EFCAB13: variants seen among roughly 807,000 people sequenced by gnomAD.
EFCAB13 encodes the protein EF-hand calcium binding domain 13.
A neutral mutation model predicts 110.2 loss-of-function variants in EFCAB13; 91 were observed. That is an observed-to-expected ratio of 0.83 (90% CI 0.70 to 0.98). EFCAB13 has a LOEUF of 0.98. Ranked by LOEUF, EFCAB13 falls within the 50% of genes least tolerant of loss-of-function variation. The pLI, the probability that EFCAB13 is intolerant of heterozygous loss-of-function variation, is 0.00. For synonymous variants in EFCAB13, 323 were observed against 369.9 expected, an observed-to-expected ratio of 0.87 and a Z score of 1.45; for missense variants, 968 against 1,119.4, an observed-to-expected ratio of 0.86 and a Z score of 1.93.
chr17:47,427,177 T>C (rs2143511773), intron 23 of EFCAB13, among the ~76,000 whole-genome samples: 1 of 152,216 alleles, frequency 6.6e-6, no homozygotes, highest in South Asian at 2.1e-4. Context: ...TTTTATTAAA[T>C]TGATAGACTG....
At chr17:47,343,177 G>A (rs892212781) in intron 6 of EFCAB13, among the ~76,000 whole-genome samples, 3 of 151,986 alleles carry the variant, frequency 2.0e-5, no homozygotes, top group African/African-American at 7.2e-5. Context: ...CTAAATCTGT[G>A]GGAATCTTCA....
chr17:47,344,224 C>T lies in EFCAB13; in HGVS notation c.366C>T (p.Cys122=), dbSNP rs1361008875. 1 of 1,613,210 alleles carries T rather than the reference C, an allele frequency of 6.2e-7. No homozygotes were observed. The highest frequency in any genetic ancestry group is 1.1e-5 in the South Asian group (1 of 91,000). Residue 122 remains cysteine (C), a synonymous_variant, in exon 7 of 25, where the codon TGC becomes TGT. Coordinates refer to ENST00000331493, the MANE Select transcript of EFCAB13 (RefSeq NM_152347.5). ...TGACAAGGAAAGAAAACTCTTTATG[C>T]AAGTTGCCGAATCAGTACAGCGTTC... is the stretch of plus-strand genomic sequence containing the variant. ...EKVTRKENSL[C]KLPNQYSVHK... is the part of the protein sequence containing the mutation.
chr17:47,369,132 A>G (rs2065566795), intron 10 of EFCAB13, among the ~76,000 whole-genome samples: 1 of 152,256 alleles, frequency 6.6e-6, no homozygotes, highest in Non-Finnish European at 1.5e-5. Context: ...AAGTTCTACC[A>G]CAACAGGAAT....
chr17:47,327,690 C>T (rs1373303183), intron 3 of EFCAB13, among the ~76,000 whole-genome samples: 1 of 152,204 alleles, frequency 6.6e-6, no homozygotes, highest in African/African-American at 2.4e-5. Flanking sequence ...CTCTTGACCT[C>T]ATGATCCGCC....
At chr17:47,419,817 A>C (rs1904570729) in intron 23 of EFCAB13, among the ~76,000 whole-genome samples, 1 of 152,178 alleles carries the variant, frequency 6.6e-6, no homozygotes, top group East Asian at 1.9e-4. Context: ...AAAGGCTGTG[A>C]ACATTGTATT....
At chr17:47,386,892 C>T (rs1350404245) in intron 14 of EFCAB13, among the ~76,000 whole-genome samples, 2 of 151,914 alleles carry the variant, frequency 1.3e-5, no homozygotes, top group Admixed American at 6.5e-5. Context: ...ACCCCCTCCC[C>T]GCCGCCGCCT....
At chr17:47,408,704 C>T (rs973387217) in intron 20 of EFCAB13, among the ~76,000 whole-genome samples, 1 of 152,024 alleles carries the variant, frequency 6.6e-6, no homozygotes, top group Non-Finnish European at 1.5e-5. Context: ...CCCATTGCCC[C>T]CCACCTCACA....
At chr17:47,379,112 G>T in intron 13 of EFCAB13, 70 bp from the exon 14 acceptor site, 2 of 1,147,104 alleles carry the variant, frequency 1.7e-6, no homozygotes, top group South Asian at 1.3e-5. Context: ...AAATAGTTGT[G>T]TTAAAATGTA....
chr17:47,365,568 G>A (rs1285507296), intron 10 of EFCAB13, among the ~76,000 whole-genome samples: 1 of 152,198 alleles, frequency 6.6e-6, no homozygotes, highest in Non-Finnish European at 1.5e-5. Flanking sequence ...AAGAGTGAGT[G>A]AGGATAGAGT....
At chr17:47,402,232 G>C (rs1220682552) in intron 18 of EFCAB13, 29 bp downstream of exon 18, 1 of 1,590,590 alleles carries the variant, frequency 6.3e-7, no homozygotes, top group African/African-American at 1.3e-5. Context: ...ATAACGGTTA[G>C]ATTTACTTTT....
intron 20 of EFCAB13, among the ~76,000 whole-genome samples, chr17:47,406,865 T>C (rs550090448): frequency 2.6e-5 from 4 of 152,334 alleles, no homozygotes; most frequent in South Asian, 4.1e-4. Context: ...TCAACTCTTC[T>C]TCACTGACCT....
At chr17:47,331,491 G>A (rs2065319278) in intron 4 of EFCAB13, among the ~76,000 whole-genome samples, 1 of 151,930 alleles carries the variant, frequency 6.6e-6, no homozygotes, top group Admixed American at 6.6e-5. Context: ...TATACCTACT[G>A]CCCCTATACA....
chr17:47,367,678 A>G lies in EFCAB13; in HGVS notation c.806-2759A>G, dbSNP rs572421473. Among the ~76,000 whole-genome samples, 14 of 152,360 alleles carry G rather than the reference A, an allele frequency of 9.2e-5. No homozygotes were observed. In the East Asian group the frequency reaches 2.7e-3, roughly 29 times the overall value. On this transcript the variant is annotated intron_variant, in intron 10 of 24. Coordinates refer to ENST00000331493, the MANE Select transcript of EFCAB13 (RefSeq NM_152347.5). ...TACGTTTCTGGAATGAGCTTGAAGAAGCCTGACAGGTAGAACTTTATGCAG... is the reference window on the plus strand; with the variant it reads ...TACGTTTCTGGAATGAGCTTGAAGAGGCCTGACAGGTAGAACTTTATGCAG...
At chr17:47,366,581 G>C (rs1478585469) in intron 10 of EFCAB13, among the ~76,000 whole-genome samples, 3 of 152,118 alleles carry the variant, frequency 2.0e-5, no homozygotes, top group Non-Finnish European at 4.4e-5. Context: ...ATATACCTTA[G>C]AGTAGGAGGC....
chr17:47,361,286 T>C, intron 9 of EFCAB13, 92 bp from the exon 10 acceptor site: 5 of 1,181,150 alleles, frequency 4.2e-6, no homozygotes, highest in Non-Finnish European at 6.1e-6. Flanking sequence ...TTATACAAAG[T>C]TATTTTCCCT....
rs755943359 is a variant in EFCAB13 at position 47,344,264 on chromosome 17, C to T, written c.406C>T (p.Pro136Ser). 1.1e-5 allele frequency: 17 copies of T among 1,612,354 alleles called. No homozygotes were observed. Among genetic ancestry groups the T allele is most frequent in the African/African-American group, 2.7e-5 (2 of 74,852 alleles). The change falls in exon 7 of 25, where the codon CCT (proline) becomes TCT (serine). Residue 136 changes from proline (P) to serine (S), a missense_variant. Transcript: ENST00000331493. Reference protein sequence around the residue: ...NQYSVHKTSSPLCTSSAITRE... With the variant: ...NQYSVHKTSSSLCTSSAITRE... ...GTACAGCGTTCACAAGACTTCATCA[C>T]CTCTTTGTACATCTTCTGCAATTAC...
intron 9 of EFCAB13, among the ~76,000 whole-genome samples, chr17:47,352,576 T>C (rs1160983052): frequency 1.3e-5 from 2 of 152,200 alleles, no homozygotes; most frequent in African/African-American, 4.8e-5. Context: ...TGGGCTCCTT[T>C]AGTTCCATGT....
chr17:47,392,344 A>G (rs1270394046), intron 15 of EFCAB13, among the ~76,000 whole-genome samples: 1 of 152,174 alleles, frequency 6.6e-6, no homozygotes, highest in African/African-American at 2.4e-5. Context: ...AAGCAATTCT[A>G]ATAAAACCCT....
chr17:47,423,248 T>C (rs1904781337), intron 23 of EFCAB13: 1 of 152,142 alleles, frequency 6.6e-6, no homozygotes, highest in African/African-American at 2.4e-5. Context: ...TGTATTGTTA[T>C]GTAAGAGAAT....
Sources: gnomAD v4.1 joint callset for allele counts (sites outside exome capture counted in the v4.1 genomes callset) on GRCh38, gnomAD v4.1.1 for gene constraint, MANE v1.5 for transcripts, NCBI Gene and HGNC (gene_info 2026-07-23, HGNC 2026-07-21) for gene names.